The following KRTAP5-10 variants were observed in gnomAD, a reference collection of about 807,000 sequenced individuals.
KRTAP5-10 encodes the protein keratin associated protein 5-10.
KRTAP5-10 carries 1 observed loss-of-function variant against 1.6 expected under a neutral mutation model. The observed-to-expected ratio is 0.64, with a 90% CI of 0.23 to 3.04. The LOEUF (loss-of-function observed/expected upper bound fraction) is 3.04. Among genes scored for constraint, KRTAP5-10 ranks in the 30% most tolerant of loss-of-function variants. The pLI is 0.21. For missense variants in KRTAP5-10, 219 were observed against 255.2 expected, an observed-to-expected ratio of 0.86 and a Z score of 0.97; for synonymous variants, 76 against 102.0, an observed-to-expected ratio of 0.75 and a Z score of 1.54.
In KRTAP5-10 at chr11:71,566,362, G is replaced by C. The variant is rs1950191673; in HGVS notation, c.*166G>C. On this transcript the variant is annotated 3_prime_UTR_variant, in exon 1 of 1. Transcript: ENST00000398531. Reference sequence around the variant, plus strand: ...ATGGCTCAGCTCTCCACTGGGCCCTGCCTTCAGCCTCCTCACTCCGGAAAT... The same window carrying C: ...ATGGCTCAGCTCTCCACTGGGCCCTCCCTTCAGCCTCCTCACTCCGGAAAT... 9.2e-7 allele frequency: 1 copy of C among 1,085,468 alleles called. No homozygotes were observed. Among genetic ancestry groups the C allele is most frequent in the African/African-American group, 1.6e-5 (1 of 62,776 alleles). 67.2% of individuals were successfully genotyped at this position (1,085,468 alleles called of 1,614,324 possible).
rs558944246 is a variant in KRTAP5-10 at position 71,565,658 on chromosome 11, G to A, written c.71G>A (p.Cys24Tyr). The A allele has an allele frequency of 6.2e-7, 1 of 1,602,460 alleles. No homozygotes were observed. Among genetic ancestry groups the A allele is most frequent in the Non-Finnish European group, 8.5e-7 (1 of 1,175,244 alleles). ...GGTTGTGGCTCCGGCTGTGGGGGCT[G>A]TGGCTCCGGCTGTGGGGGCTATGGC... ...CGGCGSGCGG[C>Y]GSGCGGYGSG... Residue 24 changes from cysteine to tyrosine, a missense_variant, in exon 1 of 1, where the codon TGT becomes TAT. Around this residue, in one of 3 missense-constraint regions of KRTAP5-10, gnomAD observed 92 missense variants for 108.8 expected, o/e 0.85. Coordinates refer to ENST00000398531, the MANE Select transcript of KRTAP5-10 (RefSeq NM_001012710.2).
Position 71,566,327 on chromosome 11 carries a change from A to ACCTCCTT in KRTAP5-10, c.*134_*140dup. The ACCTCCTT allele has an allele frequency of 7.3e-7, 1 of 1,375,818 alleles. No individual in the cohort carries two copies. The highest frequency in any genetic ancestry group is 1.3e-5 in the South Asian group (1 of 76,020). The allele number at this position is 1,375,818 out of a possible 1,614,324, so 85.2% of individuals were successfully genotyped here. A position where few individuals can be genotyped will look rare whatever the true frequency, so the allele number is the denominator to read the frequency against. On this transcript the variant is annotated 3_prime_UTR_variant, in exon 1 of 1. Transcript: ENST00000398531. ...TCTCCAGCTCATCATCCATGCACGC[A>ACCTCCTT]CCTCCTTCCATGGCTCAGCTCTCCA...
In KRTAP5-10 at chr11:71,565,579, A is replaced by G; in HGVS notation, c.-9A>G. 6.5e-7 allele frequency: 1 copy of G among 1,550,194 alleles called. No homozygotes were observed. Among genetic ancestry groups the G allele is most frequent in the Non-Finnish European group, 8.7e-7 (1 of 1,148,940 alleles). ...CCTCTACCTGATCCACCCTCAATCT[A>G]CCAGAATCATGGGCTGCTGTGGCTG... On this transcript the variant is annotated 5_prime_UTR_variant, in exon 1 of 1. Coordinates refer to ENST00000398531, the MANE Select transcript of KRTAP5-10 (RefSeq NM_001012710.2).
Position 71,566,125 on chromosome 11 carries a change from T to C in KRTAP5-10, c.538T>C (p.Ser180Pro). Residue 180 changes from serine (S) to proline (P), a missense_variant, in exon 1 of 1, where the codon TCT (serine) becomes CCT (proline). This residue lies in a region of KRTAP5-10 where 124 missense variants were observed against 127.2 expected (regional missense o/e 0.98). Coordinates refer to ENST00000398531, the MANE Select transcript of KRTAP5-10 (RefSeq NM_001012710.2). Reference protein sequence around the residue: ...SSCCVPVCCQSSCCKPCCCQS... With the variant: ...SSCCVPVCCQPSCCKPCCCQS... ...CTGCTGTGTCCCCGTGTGCTGCCAG[T>C]CTAGCTGCTGCAAGCCCTGCTGCTG... is the stretch of plus-strand genomic sequence containing the variant. 1 of 1,613,018 alleles carries C rather than the reference T, an allele frequency of 6.2e-7. No homozygotes were observed. Among genetic ancestry groups the C allele is most frequent in the Non-Finnish European group, 8.5e-7 (1 of 1,179,170 alleles).
chr11:71,565,908 T>A lies in KRTAP5-10; in HGVS notation c.321T>A (p.Cys107Ter). ...GCTCCAAGGGGGGCTGTGGTTCTTGTGGGGGCTCCAAGGGGGGCTGTGGCT... is the reference window on the plus strand; with the variant it reads ...GCTCCAAGGGGGGCTGTGGTTCTTGAGGGGGCTCCAAGGGGGGCTGTGGCT... ...CGGSKGGCGSCGGSKGGCGSC... is the reference protein window; with the variant it reads ...CGGSKGGCGS Residue 107 changes from cysteine (C) to a stop codon, truncating the protein, a stop_gained, in exon 1 of 1, where the codon TGT becomes TGA. Coordinates refer to ENST00000398531, the MANE Select transcript of KRTAP5-10 (RefSeq NM_001012710.2). LOFTEE classifies it low-confidence loss of function (END_TRUNC). 1 of 1,020,714 alleles carries A rather than the reference T, an allele frequency of 9.8e-7. No homozygotes were observed. Among genetic ancestry groups the A allele is most frequent in the Non-Finnish European group, 1.3e-6 (1 of 744,306 alleles). The allele number at this position is 1,020,714 out of a possible 1,614,324, so 63.2% of individuals were successfully genotyped here.
rs200396488 is a variant in KRTAP5-10 at position 71,565,645 on chromosome 11, G to A, written c.58G>A (p.Gly20Ser). The change falls in exon 1 of 1, where the codon GGC (glycine) becomes AGC (serine). Residue 20 changes from glycine to serine, a missense_variant. By Grantham distance (56) the Gly-to-Ser change is moderately conservative (BLOSUM62 0). Around this residue, in one of 3 missense-constraint regions of KRTAP5-10, gnomAD observed 92 missense variants for 108.8 expected, o/e 0.85. Coordinates refer to ENST00000398531, the MANE Select transcript of KRTAP5-10 (RefSeq NM_001012710.2). ...CGSGCGGCGS[G>S]CGGCGSGCGG... ...CTCCGGCTGTGGGGGTTGTGGCTCCGGCTGTGGGGGCTGTGGCTCCGGCTG... is the reference window on the plus strand; with the variant it reads ...CTCCGGCTGTGGGGGTTGTGGCTCCAGCTGTGGGGGCTGTGGCTCCGGCTG... 1.3e-4 allele frequency: 202 copies of A among 1,596,192 alleles called. No individual in the cohort carries two copies. The highest frequency in any genetic ancestry group is 1.7e-4 in the Admixed American group (10 of 58,810).
Position 71,566,622 on chromosome 11 carries a change from G to A in KRTAP5-10, c.*426G>A. ...AGGGCCGCTCGCTGCCTGTTCTCCA[G>A]TGGCCACCTGTGACCAGGAAGGTCT... On this transcript the variant is annotated 3_prime_UTR_variant, in exon 1 of 1. Transcript: ENST00000398531. 1 of 207,260 alleles carries A rather than the reference G, an allele frequency of 4.8e-6. No homozygotes were observed. Among genetic ancestry groups the A allele is most frequent in the South Asian group, 1.3e-4 (1 of 7,952 alleles). The allele number at this position is 207,260 out of a possible 1,614,324, so 12.8% of individuals were successfully genotyped here.
In KRTAP5-10 at chr11:71,566,063, A is replaced by C; in HGVS notation, c.476A>C (p.Gln159Pro). ...TCCTCAGGCTGTGGATCCTGCTGCCAGTCCAGCTGCTGCAATCCCTGCTGC... is the reference window on the plus strand; with the variant it reads ...TCCTCAGGCTGTGGATCCTGCTGCCCGTCCAGCTGCTGCAATCCCTGCTGC... ...CCSSGCGSCC[Q>P]SSCCNPCCCQ... Residue 159 changes from glutamine to proline, a missense_variant, in exon 1 of 1, where the codon CAG (glutamine) becomes CCG (proline). Coordinates refer to ENST00000398531, the MANE Select transcript of KRTAP5-10 (RefSeq NM_001012710.2). 6.2e-7 allele frequency: 1 copy of C among 1,610,980 alleles called. No homozygotes were observed. Among genetic ancestry groups the C allele is most frequent in the Non-Finnish European group, 8.5e-7 (1 of 1,179,600 alleles).
chr11:71,566,344 A>T lies in KRTAP5-10; in HGVS notation c.*148A>T, dbSNP rs1342669998. Reference sequence around the variant, plus strand: ...ATGCACGCACCTCCTTCCATGGCTCAGCTCTCCACTGGGCCCTGCCTTCAG... The same window carrying T: ...ATGCACGCACCTCCTTCCATGGCTCTGCTCTCCACTGGGCCCTGCCTTCAG... On this transcript the variant is annotated 3_prime_UTR_variant, in exon 1 of 1. Coordinates refer to ENST00000398531, the MANE Select transcript of KRTAP5-10 (RefSeq NM_001012710.2). 3 of 1,229,110 alleles carry T rather than the reference A, an allele frequency of 2.4e-6. No individual in the cohort carries two copies. The highest frequency in any genetic ancestry group is 3.5e-6 in the Non-Finnish European group (3 of 867,050). The allele number at this position is 1,229,110 out of a possible 1,614,324, so 76.1% of individuals were successfully genotyped here.
Position 71,565,789 on chromosome 11 carries a change from G to T in KRTAP5-10, c.202G>T (p.Gly68Trp). ...ACSCSSCGSCGGSKGDCGSCG... is the reference protein window; with the variant it reads ...ACSCSSCGSCWGSKGDCGSCG... ...TTCCTGCTCCAGCTGTGGCTCCTGT[G>T]GGGGCTCCAAGGGGGACTGTGGCTC... Residue 68 changes from glycine to tryptophan, a missense_variant, in exon 1 of 1, where the codon GGG (glycine) becomes TGG (tryptophan). By Grantham distance (184) the Gly-to-Trp change is radical (BLOSUM62 -2). Transcript: ENST00000398531. The T allele has an allele frequency of 6.5e-7, 1 of 1,547,804 alleles. No individual in the cohort carries two copies. The highest frequency in any genetic ancestry group is 8.8e-7 in the Non-Finnish European group (1 of 1,139,150).
chr11:71,566,235 G>A lies in KRTAP5-10; in HGVS notation c.*39G>A. On this transcript the variant is annotated 3_prime_UTR_variant, in exon 1 of 1. Transcript: ENST00000398531. ...GACCTTCAGGTTTCACCTGTTTGGT[G>A]AAAGCATTTGTTATGATTTCCCTGA... is the stretch of plus-strand genomic sequence containing the variant. 6.2e-7 allele frequency: 1 copy of A among 1,612,208 alleles called. No individual in the cohort carries two copies. Among genetic ancestry groups the A allele is most frequent in the Non-Finnish European group, 8.5e-7 (1 of 1,178,610 alleles).
At position 71,566,286 on chromosome 11, in the gene KRTAP5-10, T is replaced by A; in HGVS notation, c.*90T>A. The A allele has an allele frequency of 6.4e-7, 1 of 1,568,706 alleles. No homozygotes were observed. The highest frequency in any genetic ancestry group is 1.8e-4 in the Middle Eastern group (1 of 5,596). ...ATTAATTCATCCCACGCATCCTCCC[T>A]GAGGCACCTGCCCCTTCTCCAGCTC... On this transcript the variant is annotated 3_prime_UTR_variant, in exon 1 of 1. Transcript: ENST00000398531.
Position 71,566,097 on chromosome 11 carries a change from C to T in KRTAP5-10, c.510C>T (p.Ser170=). 3.1e-6 allele frequency: 5 copies of T among 1,612,728 alleles called. No individual in the cohort carries two copies. Among genetic ancestry groups the T allele is most frequent in the Non-Finnish European group, 4.2e-6 (5 of 1,179,200 alleles). The change falls in exon 1 of 1, where the codon TCC becomes TCT. Residue 170 remains serine, a synonymous_variant. Transcript: ENST00000398531. ...SSCCNPCCCQ[S]SCCVPVCCQS... ...GCTGCAATCCCTGCTGCTGCCAGTC[C>T]AGCTGCTGTGTCCCCGTGTGCTGCC... is the stretch of plus-strand genomic sequence containing the variant.
At position 71,565,734 on chromosome 11, in the gene KRTAP5-10, C is replaced by A. The variant is rs201490387; in HGVS notation, c.147C>A (p.Cys49Ter). The A allele has an allele frequency of 1.1e-5, 18 of 1,609,970 alleles. No individual in the cohort carries two copies. The African/African-American group carries it at 2.4e-4, about 22-fold the overall frequency. ...GCTGCTGTGTGCCCGTCTGCTGCTG[C>A]AAGCCCGTGTGCTGCTGTGTGCCAG... ...GSSCCVPVCC[C>*]KPVCCCVPAC... Residue 49 changes from cysteine (C) to a stop codon, truncating the protein, a stop_gained, in exon 1 of 1, where the codon TGC becomes TGA. Coordinates refer to ENST00000398531, the MANE Select transcript of KRTAP5-10 (RefSeq NM_001012710.2). LOFTEE classifies it low-confidence loss of function (END_TRUNC).
chr11:71,565,722 C>A lies in KRTAP5-10; in HGVS notation c.135C>A (p.Pro45=). The change falls in exon 1 of 1, where the codon CCC becomes CCA. Residue 45 remains proline (P), a synonymous_variant. Coordinates refer to ENST00000398531, the MANE Select transcript of KRTAP5-10 (RefSeq NM_001012710.2). ...GCTGTGGCTCCAGCTGCTGTGTGCCCGTCTGCTGCTGCAAGCCCGTGTGCT... is the reference window on the plus strand; with the variant it reads ...GCTGTGGCTCCAGCTGCTGTGTGCCAGTCTGCTGCTGCAAGCCCGTGTGCT... ...CGGCGSSCCV[P]VCCCKPVCCC... The A allele has an allele frequency of 1.2e-6, 2 of 1,608,640 alleles. No individual in the cohort carries two copies. Among genetic ancestry groups the A allele is most frequent in the Middle Eastern group, 2.0e-4 (1 of 4,984 alleles).
In KRTAP5-10 at chr11:71,566,134, T is replaced by C; in HGVS notation, c.547T>C (p.Cys183Arg). 1 of 1,613,182 alleles carries C rather than the reference T, an allele frequency of 6.2e-7. No individual in the cohort carries two copies. Among genetic ancestry groups the C allele is most frequent in the South Asian group, 1.1e-5 (1 of 91,040 alleles). ...CVPVCCQSSC[C>R]KPCCCQSSCC... Reference sequence around the variant, plus strand: ...CCCCGTGTGCTGCCAGTCTAGCTGCTGCAAGCCCTGCTGCTGTCAGTCCAG... The same window carrying C: ...CCCCGTGTGCTGCCAGTCTAGCTGCCGCAAGCCCTGCTGCTGTCAGTCCAG... Residue 183 changes from cysteine to arginine, a missense_variant, in exon 1 of 1, where the codon TGC (cysteine) becomes CGC (arginine). Transcript: ENST00000398531.
Position 71,565,596 on chromosome 11 carries a change from C to T in KRTAP5-10, c.9C>T (p.Cys3=). ...CTCAATCTACCAGAATCATGGGCTG[C>T]TGTGGCTGCTCCGGAGGCTGTGGCT... is the stretch of plus-strand genomic sequence containing the variant. MG[C]CGCSGGCGSG... The change falls in exon 1 of 1, where the codon TGC becomes TGT. Residue 3 remains cysteine, a synonymous_variant. Coordinates refer to ENST00000398531, the MANE Select transcript of KRTAP5-10 (RefSeq NM_001012710.2). The T allele has an allele frequency of 6.3e-7, 1 of 1,580,808 alleles. No homozygotes were observed. Among genetic ancestry groups the T allele is most frequent in the Non-Finnish European group, 8.5e-7 (1 of 1,170,490 alleles).
chr11:71,565,704 C>A lies in KRTAP5-10; in HGVS notation c.117C>A (p.Gly39=). Residue 39 remains glycine, a synonymous_variant, in exon 1 of 1, where the codon GGC becomes GGA. Coordinates refer to ENST00000398531, the MANE Select transcript of KRTAP5-10 (RefSeq NM_001012710.2). The part of the protein sequence containing the change: ...GGYGSGCGGC[G]SSCCVPVCCC... ...ATGGCTCTGGCTGTGGGGGCTGTGG[C>A]TCCAGCTGCTGTGTGCCCGTCTGCT... 5 of 1,610,122 alleles carry A rather than the reference C, an allele frequency of 3.1e-6. No homozygotes were observed. Among genetic ancestry groups the A allele is most frequent in the Non-Finnish European group, 4.2e-6 (5 of 1,179,036 alleles).
Position 71,565,862 on chromosome 11 carries a change from G to GC in KRTAP5-10, c.275_276insC (p.Cys94LeufsTer53). 1 of 1,442,178 alleles carries GC rather than the reference G, an allele frequency of 6.9e-7. No individual in the cohort carries two copies. The highest frequency in any genetic ancestry group is 2.0e-5 in the Admixed American group (1 of 50,192). 89.3% of individuals were successfully genotyped at this position (1,442,178 alleles called of 1,614,324 possible). A position where few individuals can be genotyped will look rare whatever the true frequency, so the allele number is the denominator to read the frequency against. ...TGTGGTTCCTGTGGGGGCTCCAAGG[G>GC]GGGCTGTGGCTCCTGTGGGGGCTCC... On this transcript the variant is annotated frameshift_variant, in exon 1 of 1. Transcript: ENST00000398531. LOFTEE classifies it low-confidence loss of function (END_TRUNC).
Sources: gnomAD v4.1 joint callset for allele counts on GRCh38, gnomAD v4.1.1 for gene constraint, gnomAD v4.1.1 regional missense constraint, MANE v1.5 for transcripts, NCBI Gene and HGNC (gene_info 2026-07-23, HGNC 2026-07-21) for gene names.